Variants in RARB observed in about 807,000 individuals in gnomAD.
RARB encodes the protein retinoic acid receptor beta.
RARB carries 17 observed loss-of-function variants against 51.9 expected under a neutral mutation model. The observed-to-expected ratio is 0.33, with a 90% CI of 0.22 to 0.49. The LOEUF (loss-of-function observed/expected upper bound fraction) is 0.49. RARB is among the 20% of genes least tolerant of loss of function. The pLI, the probability that RARB is intolerant of heterozygous loss-of-function variation, is 0.99. For missense variants in RARB, 369 were observed against 550.8 expected (o/e 0.67, Z 3.30); for synonymous variants, 215 against 195.4 (o/e 1.10, Z -0.84).
intron 2 of RARB, among the ~76,000 whole-genome samples, chr3:24,923,192 C>G (rs529298594): frequency 6.6e-6 from 1 of 152,262 alleles, no homozygotes; most frequent in Admixed American, 6.5e-5. Flanking sequence ...CAGAAAGGTG[C>G]TTCATAAATA....
intron 3 of RARB, among the ~76,000 whole-genome samples, chr3:25,131,850 T>A (rs1402741541): frequency 1.3e-5 from 2 of 151,740 alleles, no homozygotes; most frequent in Non-Finnish European, 2.9e-5. Flanking sequence ...GCTGAGAAGT[T>A]TTTCACCGTT....
At chr3:25,418,701 A>G (rs1287268429) in intron 5 of RARB, among the ~76,000 whole-genome samples, 2 of 152,288 alleles carry the variant, frequency 1.3e-5, no homozygotes, top group African/African-American at 2.4e-5. Context: ...CTCTCACTCC[A>G]CTGAGGACAA....
At chr3:24,906,850 A>AT (rs1265490957) in intron 2 of RARB, among the ~76,000 whole-genome samples, 2 of 149,626 alleles carry the variant, frequency 1.3e-5, no homozygotes, top group East Asian at 3.9e-4. Flanking sequence ...GTCTCAAAAA[A>AT]AAAAAAAAAA....
At chr3:25,017,046 G>C (rs1697524993) in intron 2 of RARB, among the ~76,000 whole-genome samples, 1 of 152,142 alleles carries the variant, frequency 6.6e-6, no homozygotes, top group African/African-American at 2.4e-5. Flanking sequence ...GTCAGCCCAT[G>C]TTTAAGGAGA....
intron 5 of RARB, among the ~76,000 whole-genome samples, chr3:25,365,612 A>G (rs1389941711): frequency 6.6e-6 from 1 of 152,158 alleles, no homozygotes; most frequent in Non-Finnish European, 1.5e-5. Context: ...GTCTCAGCAA[A>G]AAAATGTCCA....
chr3:25,547,606 A>G (rs1429412406), intron 3 of RARB, among the ~76,000 whole-genome samples: 1 of 152,222 alleles, frequency 6.6e-6, no homozygotes, highest in Non-Finnish European at 1.5e-5. Context: ...TGATGTCATA[A>G]GTCATCCTTC....
At chr3:25,479,323 G>T (rs1696116084) in intron 2 of RARB, among the ~76,000 whole-genome samples, 1 of 152,140 alleles carries the variant, frequency 6.6e-6, no homozygotes, top group Admixed American at 6.5e-5. Flanking sequence ...GAAATGAAAG[G>T]TGTCTTACTC....
At chr3:25,533,102 C>A (rs767975796) in intron 3 of RARB, among the ~76,000 whole-genome samples, 6 of 152,140 alleles carry the variant, frequency 3.9e-5, no homozygotes, top group Non-Finnish European at 8.8e-5. Flanking sequence ...ACTTTTAAAT[C>A]TAATGCATTC....
intron 5 of RARB, among the ~76,000 whole-genome samples, chr3:25,320,446 A>G (rs757278130): frequency 6.6e-6 from 1 of 152,168 alleles, no homozygotes; most frequent in Admixed American, 6.5e-5. Flanking sequence ...GGAGCTTTCC[A>G]GGGCCAGGAC....
chr3:24,910,872 G>A (rs1245908857), intron 2 of RARB, among the ~76,000 whole-genome samples: 1 of 152,154 alleles, frequency 6.6e-6, no homozygotes, highest in Non-Finnish European at 1.5e-5. Flanking sequence ...CTGACCACAA[G>A]GGAGGCTAGT....
At position 25,252,563 on chromosome 3, in the gene RARB, C is replaced by T. The variant is rs73151262; in HGVS notation, c.178+77988C>T. Among the ~76,000 whole-genome samples, 610 of 152,270 alleles carry T rather than the reference C, an allele frequency of 4.0e-3. 3 individuals are homozygous for T. The highest frequency in any genetic ancestry group is 0.014 in the African/African-American group (574 of 41,560). On this transcript the variant is annotated intron_variant, in intron 5 of 11. Coordinates refer to the RARB transcript ENST00000383772. ...TTTTCAGTGAACAAGCCTTGCACTT[C>T]TTTTGCTAAGCTTATTCCGAACTAT...
chr3:25,343,022 CTTTGTG>C lies in RARB; in HGVS notation c.179-118169_179-118164del, dbSNP rs1229202024. 2.3e-3 allele frequency among the ~76,000 whole-genome samples: 204 copies of C among 89,466 alleles called. 1 individual carries two copies. Among genetic ancestry groups the C allele is most frequent in the African/African-American group, 9.4e-3 (194 of 20,694 alleles). 58.7% of individuals were successfully genotyped at this position (89,466 alleles called of 152,430 possible). On this transcript the variant is annotated intron_variant, in intron 5 of 11. Transcript: ENST00000383772. The stretch of plus-strand genomic sequence containing the variant: ...ATTTCCTGTTTACATTTTGCAAGTA[CTTTGTG>C]TGTGTGTGTGTGTGTGTGTGTGTGT...
At chr3:25,191,814 T>A (rs924677056) in intron 5 of RARB, among the ~76,000 whole-genome samples, 6 of 152,250 alleles carry the variant, frequency 3.9e-5, no homozygotes, top group African/African-American at 1.4e-4. Flanking sequence ...TTTGCTTCAA[T>A]GACAAATTAA....
At chr3:25,397,443 T>C (rs953561107) in intron 5 of RARB, among the ~76,000 whole-genome samples, 6 of 152,188 alleles carry the variant, frequency 3.9e-5, no homozygotes, top group African/African-American at 1.4e-4. Context: ...TGTGAATTCC[T>C]TCAGTTTTTC....
At chr3:25,400,484 C>T (rs191904897) in intron 5 of RARB, among the ~76,000 whole-genome samples, 6 of 152,080 alleles carry the variant, frequency 3.9e-5, no homozygotes, top group East Asian at 1.9e-4. Context: ...TATGAGGTTT[C>T]GAAGAAAGAA....
At chr3:25,135,591 T>G (rs1700020397) in intron 4 of RARB, among the ~76,000 whole-genome samples, 1 of 151,996 alleles carries the variant, frequency 6.6e-6, no homozygotes, top group Admixed American at 6.6e-5. Flanking sequence ...GGGACTCTTG[T>G]CTGAACAGTT....
intron 3 of RARB, among the ~76,000 whole-genome samples, chr3:25,129,136 A>G (rs570837530): frequency 7.2e-5 from 11 of 152,210 alleles, no homozygotes; most frequent in African/African-American, 2.6e-4. Flanking sequence ...ATTAGACTGC[A>G]TGTGTTTCTT....
chr3:25,408,695 C>T (rs1286930090), intron 5 of RARB, among the ~76,000 whole-genome samples: 1 of 152,052 alleles, frequency 6.6e-6, no homozygotes, highest in Non-Finnish European at 1.5e-5. Flanking sequence ...AGGAAGCAGG[C>T]AAGTCAAGCA....
chr3:25,254,018 G>T (rs1439075349), intron 5 of RARB, among the ~76,000 whole-genome samples: 9 of 152,066 alleles, frequency 5.9e-5, no homozygotes, highest in African/African-American at 9.7e-5. Context: ...CTAGTAATTG[G>T]CTACAAAATC....
Sources: gnomAD v4.1 joint callset for allele counts (sites outside exome capture counted in the v4.1 genomes callset) on GRCh38, gnomAD v4.1.1 for gene constraint, MANE v1.5 for transcripts, NCBI Gene and HGNC (gene_info 2026-07-23, HGNC 2026-07-21) for gene names.